Variants in SCAMP2 observed in about 807,000 individuals in gnomAD.
SCAMP2 encodes the protein secretory carrier-associated membrane protein 2.
A neutral mutation model predicts 44.1 loss-of-function variants in SCAMP2; 25 were observed. That is an observed-to-expected ratio of 0.57 (90% confidence interval 0.41 to 0.79). The LOEUF (loss-of-function observed/expected upper bound fraction) is 0.79. Among genes scored for constraint, SCAMP2 ranks in the 30% least tolerant of loss-of-function variants. The pLI is 0.00. For missense variants in SCAMP2, 355 were observed against 411.0 expected (o/e 0.86, Z 1.18); for synonymous variants, 156 against 166.0 (o/e 0.94, Z 0.46).
chr15:74,855,164 C>T (rs914711029), intron 1 of SCAMP2, among the ~76,000 whole-genome samples: 6 of 151,754 alleles, frequency 4.0e-5, no homozygotes, highest in African/African-American at 7.3e-5. Context: ...AGTGCAGTGG[C>T]GCAATCTTGG....
chr15:74,851,129 G>A (rs192840658), intron 5 of SCAMP2, among the ~76,000 whole-genome samples: 1 of 152,290 alleles, frequency 6.6e-6, no homozygotes. Flanking sequence ...CCTCTAGTTA[G>A]TCCCACCCTC....
chr15:74,846,817 G>T (rs1273193315), intron 7 of SCAMP2, among the ~76,000 whole-genome samples: 3 of 152,116 alleles, frequency 2.0e-5, no homozygotes, highest in African/African-American at 7.2e-5. Context: ...GCTGCTTTGG[G>T]GGTGGGGAGT....
At chr15:74,847,086 A>ATTTTTTT (rs34231883) in intron 7 of SCAMP2, among the ~76,000 whole-genome samples, 13 of 109,294 alleles carry the variant, frequency 1.2e-4, no homozygotes, top group Admixed American at 3.4e-4. Context: ...TTGTCAGTTA[A>ATTTTTTT]TTTTTTTTTT....
At chr15:74,866,604 C>T (rs1283272514) in intron 1 of SCAMP2, among the ~76,000 whole-genome samples, 1 of 151,930 alleles carries the variant, frequency 6.6e-6, no homozygotes, top group Non-Finnish European at 1.5e-5. Context: ...CCCAGCTACT[C>T]GGGAGTGTGA....
At chr15:74,870,654 A>G (rs531347039) in intron 1 of SCAMP2, among the ~76,000 whole-genome samples, 8 of 152,366 alleles carry the variant, frequency 5.3e-5, no homozygotes, top group African/African-American at 1.7e-4. Flanking sequence ...GTCAAGAAAC[A>G]TTAAGCTACG....
chr15:74,863,038 G>A (rs896695815), intron 1 of SCAMP2, among the ~76,000 whole-genome samples: 7 of 151,504 alleles, frequency 4.6e-5, no homozygotes, highest in Admixed American at 3.3e-4. Flanking sequence ...ATGAAACCCC[G>A]TCTCTACAGA....
chr15:74,851,371 G>A lies in SCAMP2; in HGVS notation c.454C>T (p.Leu152Phe). 6.2e-7 allele frequency: 1 copy of A among 1,614,060 alleles called. No individual in the cohort carries two copies. The highest frequency in any genetic ancestry group is 8.5e-7 in the Non-Finnish European group (1 of 1,179,948). The change falls in exon 5 of 9, where the codon CTC becomes TTC. Residue 152 changes from leucine (L) to phenylalanine (F), a missense_variant. Physicochemically the swap from Leu to Phe is conservative, Grantham distance 22 (BLOSUM62 0). Transcript: ENST00000268099. ...PADYQRICKMLYYLWMLHSVT... is the reference protein window; with the variant it reads ...PADYQRICKMFYYLWMLHSVT... ...GACTCACACATCCACAGATAGTAGA[G>A]CATCTTGCATATCCGCTGGTAGTCG...
Position 74,873,216 on chromosome 15 carries a change from C to T in SCAMP2, c.40G>A (p.Asp14Asn). Reference sequence around the variant, plus strand: ...GGCTCTACCTGGAAGGGGTTTACATCCACTGGGTCCGCGAAGGGGTTGGTG... The same window carrying T: ...GGCTCTACCTGGAAGGGGTTTACATTCACTGGGTCCGCGAAGGGGTTGGTG... ...FDTNPFADPV[D>N]VNPFQDPSVT... Residue 14 changes from aspartate to asparagine, a missense_variant, in exon 1 of 9, where the codon GAT becomes AAT. Transcript: ENST00000268099. 6.9e-7 allele frequency: 1 copy of T among 1,458,098 alleles called. No homozygotes were observed. The highest frequency in any genetic ancestry group is 9.0e-7 in the Non-Finnish European group (1 of 1,112,566). 90.3% of individuals were successfully genotyped at this position (1,458,098 alleles called of 1,614,324 possible). A position where few individuals can be genotyped will look rare whatever the true frequency, so the allele number is the denominator to read the frequency against.
At chr15:74,862,307 T>G (rs2064512101) in intron 1 of SCAMP2, among the ~76,000 whole-genome samples, 1 of 125,996 alleles carries the variant, frequency 7.9e-6, no homozygotes, top group African/African-American at 2.9e-5. Flanking sequence ...CCAGGTGCAA[T>G]GGCTCACACC....
Position 74,873,283 on chromosome 15 carries a change from C to G in SCAMP2, c.-28G>C. 1 of 1,476,874 alleles carries G rather than the reference C, an allele frequency of 6.8e-7. No individual in the cohort carries two copies. Among genetic ancestry groups the G allele is most frequent in the Non-Finnish European group, 8.9e-7 (1 of 1,118,290 alleles). The allele number at this position is 1,476,874 out of a possible 1,614,324, so 91.5% of individuals were successfully genotyped here. ...TGATCGGGGGCCAGCGGGCGAACTC[C>G]GCGAACGCTGCTGCCTCCGGGCACC... On this transcript the variant is annotated 5_prime_UTR_variant, in exon 1 of 9. Transcript: ENST00000268099.
chr15:74,866,205 C>T (rs1341043081), intron 1 of SCAMP2, among the ~76,000 whole-genome samples: 2 of 151,142 alleles, frequency 1.3e-5, no homozygotes, highest in Non-Finnish European at 2.9e-5. Flanking sequence ...ATAAAAGAGG[C>T]CAAGGATGGA....
chr15:74,869,913 G>A (rs754790689), intron 1 of SCAMP2, among the ~76,000 whole-genome samples: 1 of 152,114 alleles, frequency 6.6e-6, no homozygotes, highest in East Asian at 1.9e-4. Context: ...GCACCCAAGG[G>A]CTACACCTCC....
At chr15:74,849,877 G>A (rs1246471106) in intron 6 of SCAMP2, among the ~76,000 whole-genome samples, 1 of 152,222 alleles carries the variant, frequency 6.6e-6, no homozygotes, top group Non-Finnish European at 1.5e-5. Context: ...CTCACGAGCT[G>A]AGGACTTCCA....
intron 1 of SCAMP2, among the ~76,000 whole-genome samples, chr15:74,862,520 G>T (rs1400083453): frequency 2.6e-5 from 4 of 151,236 alleles, no homozygotes; most frequent in African/African-American, 9.7e-5. Flanking sequence ...AGGCTGCAGT[G>T]AGCCGAGATC....
chr15:74,861,467 C>T (rs1567253597), intron 1 of SCAMP2, among the ~76,000 whole-genome samples: 2 of 152,196 alleles, frequency 1.3e-5, no homozygotes, highest in South Asian at 4.1e-4. Flanking sequence ...ATTCATAGGA[C>T]CAGGACTTAC....
chr15:74,863,636 C>T (rs1210679569), intron 1 of SCAMP2, among the ~76,000 whole-genome samples: 3 of 152,156 alleles, frequency 2.0e-5, no homozygotes, highest in Admixed American at 6.6e-5. Flanking sequence ...CAAGGCCTTC[C>T]AGGACCTGGC....
chr15:74,848,536 CAG>C (rs1316229345), intron 7 of SCAMP2, 62 bp downstream of exon 7: 1 of 1,085,444 alleles, frequency 9.2e-7, no homozygotes, highest in Non-Finnish European at 1.4e-6. Context: ...AGCTAGAAAA[CAG>C]GGCAAGAGAG....
intron 6 of SCAMP2, among the ~76,000 whole-genome samples, chr15:74,849,535 C>T (rs1452900024): frequency 1.3e-5 from 2 of 151,820 alleles, no homozygotes; most frequent in African/African-American, 4.8e-5. Context: ...CTTGAGGTCA[C>T]AAGTTCAAGA....
At chr15:74,847,773 G>A (rs1344506915) in intron 7 of SCAMP2, among the ~76,000 whole-genome samples, 1 of 152,156 alleles carries the variant, frequency 6.6e-6, no homozygotes, top group Non-Finnish European at 1.5e-5. Context: ...GATTAATTTT[G>A]AGCTGAGGAC....
Sources: allele counts gnomAD v4.1 joint callset (sites outside exome capture counted in the v4.1 genomes callset), GRCh38; gene constraint gnomAD v4.1.1; transcripts MANE v1.5; gene names NCBI Gene and HGNC (gene_info 2026-07-23, HGNC 2026-07-21).